DPP10: variants seen among roughly 807,000 people sequenced by gnomAD.
The protein encoded by DPP10 is inactive dipeptidyl peptidase 10.
In DPP10, 33 loss-of-function variants were observed where a neutral mutation model predicts 120.9. The observed-to-expected ratio is 0.27, with a 90% CI of 0.21 to 0.37. The LOEUF is 0.37. Ranked by LOEUF, DPP10 falls within the 10% of genes least tolerant of loss-of-function variation. DPP10 has a pLI of 1.00. For synonymous variants in DPP10, 337 were observed against 326.1 expected, an observed-to-expected ratio of 1.03 and a Z score of -0.36; for missense variants, 816 against 942.8, an observed-to-expected ratio of 0.87 and a Z score of 1.76.
At chr2:114,806,074 CAT>C (rs1336049413) in intron 1 of DPP10, among the ~76,000 whole-genome samples, 4 of 152,154 alleles carry the variant, frequency 2.6e-5, no homozygotes, top group African/African-American at 9.7e-5. Context: ...CTATGCAGAC[CAT>C]TCCTCAGGAA....
chr2:114,875,740 C>T (rs1042860356), intron 1 of DPP10, among the ~76,000 whole-genome samples: 1 of 152,088 alleles, frequency 6.6e-6, no homozygotes, highest in African/African-American at 2.4e-5. Context: ...AAATCCTTGG[C>T]ATAAACATAC....
intron 1 of DPP10, among the ~76,000 whole-genome samples, chr2:115,167,854 G>A (rs1428361471): frequency 1.3e-5 from 2 of 152,146 alleles, no homozygotes; most frequent in East Asian, 3.9e-4. Flanking sequence ...ATTCTTTACT[G>A]TTCTACTCTG....
At chr2:114,518,332 C>T (rs1389533297) in intron 1 of DPP10, among the ~76,000 whole-genome samples, 4 of 152,112 alleles carry the variant, frequency 2.6e-5, no homozygotes, top group Non-Finnish European at 5.9e-5. Flanking sequence ...CCTGCCTCGG[C>T]CTCCCAACGT....
chr2:114,901,546 G>T (rs1390479094), intron 1 of DPP10, among the ~76,000 whole-genome samples: 1 of 152,160 alleles, frequency 6.6e-6, no homozygotes, highest in African/African-American at 2.4e-5. Context: ...TGAAGATGAA[G>T]CTCATAGTTC....
chr2:114,795,357 G>A (rs1253506964), intron 1 of DPP10, among the ~76,000 whole-genome samples: 1 of 152,090 alleles, frequency 6.6e-6, no homozygotes. Flanking sequence ...CTGGCATGGT[G>A]GCAGGCATCT....
intron 1 of DPP10, among the ~76,000 whole-genome samples, chr2:114,724,682 G>T (rs1330868326): frequency 2.6e-5 from 4 of 152,142 alleles, no homozygotes; most frequent in Non-Finnish European, 5.9e-5. Context: ...TGAACTTTAA[G>T]GCACAAAGAC....
intron 1 of DPP10, chr2:115,162,083 G>A: frequency 6.7e-7 from 1 of 1,488,268 alleles, no homozygotes; most frequent in Non-Finnish European, 8.9e-7. Flanking sequence ...TCCAGTGCGC[G>A]CTCCGCCCGC....
chr2:115,310,839 A>G (rs2061547057), intron 2 of DPP10, among the ~76,000 whole-genome samples: 2 of 152,230 alleles, frequency 1.3e-5, no homozygotes, highest in South Asian at 2.1e-4. Context: ...TATTAGCCAG[A>G]TGGAGGTATT....
chr2:115,382,238 A>G (rs966648016), intron 3 of DPP10, among the ~76,000 whole-genome samples: 10 of 152,128 alleles, frequency 6.6e-5, no homozygotes, highest in Non-Finnish European at 1.0e-4. Context: ...CCTCTGAGCC[A>G]TGTGCGGGAT....
intron 1 of DPP10, among the ~76,000 whole-genome samples, chr2:114,738,363 A>T (rs1035084126): frequency 3.3e-5 from 5 of 152,186 alleles, no homozygotes; most frequent in African/African-American, 1.2e-4. Flanking sequence ...GATTTCAGGG[A>T]GCCTGAGTGC....
intron 1 of DPP10, among the ~76,000 whole-genome samples, chr2:114,923,573 G>T (rs1185360653): frequency 6.8e-6 from 1 of 146,580 alleles, no homozygotes; most frequent in African/African-American, 2.5e-5. Flanking sequence ...CTGCCACCTG[G>T]GTTCACGCCA....
intron 1 of DPP10, among the ~76,000 whole-genome samples, chr2:114,852,994 A>G (rs368335329): frequency 6.6e-6 from 1 of 152,206 alleles, no homozygotes; most frequent in African/African-American, 2.4e-5. Flanking sequence ...TGATCAGATG[A>G]CCTTGTGCTG....
At chr2:115,118,049 C>T (rs1316050279) in intron 1 of DPP10, among the ~76,000 whole-genome samples, 1 of 152,168 alleles carries the variant, frequency 6.6e-6, no homozygotes, top group East Asian at 1.9e-4. Flanking sequence ...AAATCTTTTT[C>T]ACCAAAACCT....
At chr2:115,254,755 G>A (rs571513245) in intron 1 of DPP10, among the ~76,000 whole-genome samples, 3 of 152,298 alleles carry the variant, frequency 2.0e-5, no homozygotes, top group South Asian at 4.1e-4. Flanking sequence ...AAATTCAATA[G>A]GGTAGTCATT....
chr2:115,000,255 A>C (rs1701352804), intron 1 of DPP10, among the ~76,000 whole-genome samples: 2 of 152,140 alleles, frequency 1.3e-5, no homozygotes, highest in Non-Finnish European at 2.9e-5. Context: ...TTAAAATCTA[A>C]TTCATTAAAC....
At chr2:115,561,448 A>G (rs1037201) in intron 5 of DPP10, among the ~76,000 whole-genome samples, 149,402 of 151,496 alleles carry the variant, frequency 0.99, 73,708 homozygotes, top group East Asian at 1. Flanking sequence ...AAGTAGGCAT[A>G]TTCACATACT....
intron 1 of DPP10, among the ~76,000 whole-genome samples, chr2:114,880,422 C>A (rs188829799): frequency 4.3e-3 from 656 of 152,266 alleles, no homozygotes; most frequent in African/African-American, 0.015. Flanking sequence ...GTAGCTGCAT[C>A]AGCATAGTCA....
intron 1 of DPP10, among the ~76,000 whole-genome samples, chr2:114,971,372 G>A (rs966139653): frequency 4.6e-5 from 7 of 152,040 alleles, no homozygotes; most frequent in African/African-American, 1.7e-4. Flanking sequence ...TACCATCATA[G>A]GTTCCCCAGA....
At chr2:115,632,790 C>G (rs1254036598) in intron 5 of DPP10, among the ~76,000 whole-genome samples, 2 of 152,086 alleles carry the variant, frequency 1.3e-5, no homozygotes, top group Non-Finnish European at 2.9e-5. Context: ...AGACACTTCT[C>G]AAAAGAAGAC....
Sources: allele counts gnomAD v4.1 joint callset (sites outside exome capture counted in the v4.1 genomes callset), GRCh38; gene constraint gnomAD v4.1.1; transcripts MANE v1.5; gene names NCBI Gene and HGNC (gene_info 2026-07-23, HGNC 2026-07-21).